Variants in PLXNC1 observed in about 807,000 individuals in gnomAD.
The protein encoded by PLXNC1 is plexin-C1.
PLXNC1 carries 75 observed loss-of-function variants against 178.2 expected under a neutral mutation model. The observed-to-expected ratio is 0.42, with a 90% CI of 0.35 to 0.51. The LOEUF (loss-of-function observed/expected upper bound fraction) is 0.51. Ranked by LOEUF, PLXNC1 falls within the 20% of genes least tolerant of loss-of-function variation. The pLI, the probability that PLXNC1 is intolerant of heterozygous loss-of-function variation, is 0.02. For synonymous variants in PLXNC1, 790 were observed against 779.9 expected (o/e 1.01, Z -0.22); for missense variants, 1,503 against 1,984.4 (o/e 0.76, Z 4.61).
At chr12:94,282,458 G>A in intron 23 of PLXNC1, 57 bp downstream of exon 23, 1 of 1,157,114 alleles carries the variant, frequency 8.6e-7, no homozygotes, top group South Asian at 1.3e-5. Context: ...TAGTCCCATG[G>A]ACATTCTTTT....
intron 3 of PLXNC1, among the ~76,000 whole-genome samples, chr12:94,184,406 G>A (rs560432451): frequency 5.9e-5 from 9 of 151,678 alleles, no homozygotes; most frequent in East Asian, 5.8e-4. Context: ...GATTATAGGC[G>A]TGAGCCACCT....
chr12:94,182,857 C>CTCTA (rs570479179), intron 3 of PLXNC1, among the ~76,000 whole-genome samples: 14 of 141,864 alleles, frequency 9.9e-5, no homozygotes, highest in African/African-American at 3.3e-4. Flanking sequence ...TCAAGAATAT[C>CTCTA]TGTATCTATC....
At chr12:94,259,800 A>C in intron 19 of PLXNC1, 66 bp downstream of exon 19, 6 of 1,425,682 alleles carry the variant, frequency 4.2e-6, no homozygotes, top group Non-Finnish European at 5.6e-6. Flanking sequence ...ATGGTGGCTC[A>C]TGGCTGTAAT....
At chr12:94,268,612 T>TTA (rs148991956) in intron 21 of PLXNC1, among the ~76,000 whole-genome samples, 117 of 130,742 alleles carry the variant, frequency 8.9e-4, no homozygotes, top group East Asian at 3.4e-3. Flanking sequence ...TTTTTTTTTT[T>TTA]AATTTAAGGA....
intron 3 of PLXNC1, among the ~76,000 whole-genome samples, chr12:94,181,894 G>A (rs1363123769): frequency 6.6e-6 from 1 of 152,012 alleles, no homozygotes; most frequent in African/African-American, 2.4e-5. Context: ...TTATTGTGTG[G>A]GCACTGAACG....
At chr12:94,209,964 A>T (rs1453502665) in intron 5 of PLXNC1, among the ~76,000 whole-genome samples, 1 of 152,146 alleles carries the variant, frequency 6.6e-6, no homozygotes, top group Non-Finnish European at 1.5e-5. Context: ...GCTGAAGATG[A>T]CCCTCAATGG....
chr12:94,179,695 C>A (rs3847807), intron 2 of PLXNC1, among the ~76,000 whole-genome samples: 9 of 146,394 alleles, frequency 6.1e-5, no homozygotes, highest in Non-Finnish European at 1.3e-4. Flanking sequence ...GAGCCAAGAT[C>A]GCACCACTGC....
intron 1 of PLXNC1, among the ~76,000 whole-genome samples, chr12:94,159,955 G>T (rs1237736205): frequency 6.6e-6 from 1 of 152,210 alleles, no homozygotes; most frequent in Non-Finnish European, 1.5e-5. Context: ...TGGAGAGGAG[G>T]GGTGAAGTGA....
Position 94,149,763 on chromosome 12 carries a change from G to A in PLXNC1, c.792G>A (p.Met264Ile), listed in dbSNP as rs754899045. 24 of 1,609,334 alleles carry A rather than the reference G, an allele frequency of 1.5e-5. 1 individual carries two copies. The highest frequency in any genetic ancestry group is 1.9e-5 in the Non-Finnish European group (22 of 1,179,244). ...TSGAATGWPS[M>I]ARIAQSTEVL... ...GCGCTGCCACCGGCTGGCCCAGCAT[G>A]GCGCGCATCGCGCAGAGCACCGAGG... is the stretch of plus-strand genomic sequence containing the variant. The change falls in exon 1 of 31, where the codon ATG (methionine) becomes ATA (isoleucine). Residue 264 changes from methionine to isoleucine, a missense_variant. This residue lies in a region of PLXNC1 where 615 missense variants were observed against 698.6 expected (regional missense o/e 0.88). Transcript: ENST00000258526.
chr12:94,183,874 A>G (rs1962414483), intron 3 of PLXNC1, among the ~76,000 whole-genome samples: 1 of 152,204 alleles, frequency 6.6e-6, no homozygotes, highest in Admixed American at 6.5e-5. Context: ...GATTACTGCT[A>G]GAGATCCTAC....
chr12:94,186,608 G>T, intron 4 of PLXNC1, 135 bp downstream of exon 4: 1 of 639,788 alleles, frequency 1.6e-6, no homozygotes, highest in South Asian at 1.7e-5. Context: ...AAATCTTGTT[G>T]TGCAATCCTA....
At chr12:94,288,478 G>C (rs1388642621) in intron 23 of PLXNC1, among the ~76,000 whole-genome samples, 4 of 152,234 alleles carry the variant, frequency 2.6e-5, no homozygotes, top group African/African-American at 9.7e-5. Flanking sequence ...GAGCTGGCTA[G>C]TGGCCTGGAG....
chr12:94,265,035 G>T, intron 20 of PLXNC1, 44 bp from the exon 21 acceptor site: 1 of 1,601,346 alleles, frequency 6.2e-7, no homozygotes, highest in Non-Finnish European at 8.6e-7. Context: ...AAAGTACAGT[G>T]GATTCCACAG....
At chr12:94,206,520 T>G (rs11107439) in intron 4 of PLXNC1, among the ~76,000 whole-genome samples, 26,869 of 151,618 alleles carry the variant, frequency 0.18, 2,503 homozygotes, top group Middle Eastern at 0.19. Flanking sequence ...GGCAATCTTT[T>G]CTTTGCATTT....
At position 94,186,411 on chromosome 12, in the gene PLXNC1, A is replaced by G. The variant is rs781280063; in HGVS notation, c.1377A>G (p.Lys459=). 22 of 1,613,764 alleles carry G rather than the reference A, an allele frequency of 1.4e-5. No individual in the cohort carries two copies. The highest frequency in any genetic ancestry group is 1.9e-5 in the Non-Finnish European group (22 of 1,179,776). ...RIRVANCNKH[K]SCSECLTATD... ...GTGTTGCAAACTGCAATAAACATAA[A>G]TCCTGTTCGGAGTGTTTAACAGCCA... The change falls in exon 4 of 31, where the codon AAA becomes AAG. Residue 459 remains lysine (K), a synonymous_variant. Coordinates refer to ENST00000258526, the MANE Select transcript of PLXNC1 (RefSeq NM_005761.3).
intron 4 of PLXNC1, among the ~76,000 whole-genome samples, chr12:94,198,902 T>A (rs553537433): frequency 6.6e-6 from 1 of 152,312 alleles, no homozygotes; most frequent in African/African-American, 2.4e-5. Flanking sequence ...ACCCTATTTC[T>A]ACATAAGGTC....
chr12:94,278,425 A>C (rs1463840856), intron 21 of PLXNC1, among the ~76,000 whole-genome samples: 2 of 152,230 alleles, frequency 1.3e-5, no homozygotes, highest in African/African-American at 4.8e-5. Context: ...ATTGCTTTTC[A>C]GTTTGTTTTG....
At chr12:94,274,568 G>C (rs1173314969) in intron 21 of PLXNC1, among the ~76,000 whole-genome samples, 3 of 152,218 alleles carry the variant, frequency 2.0e-5, no homozygotes, top group Non-Finnish European at 4.4e-5. Flanking sequence ...GAAATAGGAA[G>C]AGGCAGGGCA....
At chr12:94,155,400 G>A (rs1291214224) in intron 1 of PLXNC1, among the ~76,000 whole-genome samples, 1 of 152,178 alleles carries the variant, frequency 6.6e-6, no homozygotes, top group Non-Finnish European at 1.5e-5. Context: ...CTGTATTTTA[G>A]CAAGCTCTCA....
Sources: allele counts gnomAD v4.1 joint callset (sites outside exome capture counted in the v4.1 genomes callset), GRCh38; gene constraint gnomAD v4.1.1; regional missense constraint gnomAD v4.1.1; transcripts MANE v1.5; gene names NCBI Gene and HGNC (gene_info 2026-07-23, HGNC 2026-07-21).